The following PISD variants were observed in gnomAD, a reference collection of about 807,000 sequenced individuals.
The protein encoded by PISD is phosphatidylserine decarboxylase proenzyme, mitochondrial.
PISD carries 31 observed loss-of-function variants against 43.5 expected under a neutral mutation model. The ratio of observed to expected loss-of-function variants is 0.71; its 90% CI spans 0.54 to 0.96. The LOEUF (loss-of-function observed/expected upper bound fraction) is 0.96. Ranked by LOEUF, PISD falls within the 40% of genes least tolerant of loss-of-function variation. The pLI is 0.00. For synonymous variants in PISD, 259 were observed against 228.7 expected, an observed-to-expected ratio of 1.13 and a Z score of -1.20; for missense variants, 523 against 548.4, an observed-to-expected ratio of 0.95 and a Z score of 0.46.
chr22:31,657,280 C>A (rs1414173432), intron 1 of PISD, among the ~76,000 whole-genome samples: 1 of 151,498 alleles, frequency 6.6e-6, no homozygotes, highest in Non-Finnish European at 1.5e-5. Flanking sequence ...GGATTACAGG[C>A]ACCCACCACC....
Position 31,619,718 on chromosome 22 carries a change from T to G in PISD, c.1124A>C (p.Asn375Thr). Residue 375 changes from asparagine (N) to threonine (T), a missense_variant, in exon 8 of 8, where the codon AAC becomes ACC. Asn to Thr is a moderately conservative substitution (Grantham distance 65). Transcript: ENST00000439502. ...MRKGEHLGEF[N>T]LGSTIVLIFE... ...GATGAGCACGATGGTGGAGCCCAGG[T>G]TGAACTCGCCCAGGTGCTCGCCCTT... 6.2e-7 allele frequency: 1 copy of G among 1,614,218 alleles called. No individual in the cohort carries two copies. The highest frequency in any genetic ancestry group is 8.5e-7 in the Non-Finnish European group (1 of 1,180,020).
chr22:31,621,498 CCAGGGAGAG>C (rs1473795564), intron 4 of PISD, 26 bp from the exon 5 acceptor site: 44 of 1,613,466 alleles, frequency 2.7e-5, no homozygotes, highest in Non-Finnish European at 3.6e-5. Flanking sequence ...AGGCTTGCTG[CCAGGGAGAG>C]CAGGGTCTCC....
At position 31,662,148 on chromosome 22, in the gene PISD, T is replaced by C. The variant is rs1462018070; in HGVS notation, c.61A>G (p.Ser21Gly). 3 of 1,607,452 alleles carry C rather than the reference T, an allele frequency of 1.9e-6. No individual in the cohort carries two copies. In the African/African-American group the frequency reaches 4.0e-5, roughly 21 times the overall value. Residue 21 changes from serine to glycine, a missense_variant, in exon 1 of 8, where the codon AGC becomes GGC. Coordinates refer to ENST00000439502, the MANE Select transcript of PISD (RefSeq NM_001326411.2). ...GLLHGVAPWR[S>G]SLHPCEITAL... ...AGTCTCTCCGCGCTGCTATACCTGC[T>C]CCGCCACGGCGCGACCCCGTGCAGT...
In PISD at chr22:31,625,743, C is replaced by T. The variant is rs7364312; in HGVS notation, c.322-3858G>A. ...GTGGCGGGGAACCGTGGGGTTAGGG[C>T]GCGGTGGGCAGCATCTCACCATTTC... On this transcript the variant is annotated intron_variant, in intron 3 of 7. Coordinates refer to ENST00000439502, the MANE Select transcript of PISD (RefSeq NM_001326411.2). 1.1e-3 allele frequency: 1,752 copies of T among 1,569,560 alleles called. 39 individuals carry two copies. In the East Asian group the frequency reaches 0.031, roughly 28 times the overall value.
At chr22:31,620,499 G>A in intron 7 of PISD, 54 bp downstream of exon 7, 2 of 1,572,326 alleles carry the variant, frequency 1.3e-6, no homozygotes, top group Admixed American at 3.4e-5. Context: ...GACAAGGCAG[G>A]TAGACCCAAG....
At chr22:31,650,967 C>A (rs41302569) in intron 1 of PISD, among the ~76,000 whole-genome samples, 189 bp from the exon 2 acceptor site, 6,730 of 152,026 alleles carry the variant, frequency 0.044, 132 homozygotes, top group Non-Finnish European at 0.05. Flanking sequence ...TTTATTAATT[C>A]ATTCATTCAT....
At position 31,656,179 on chromosome 22, in the gene PISD, C is replaced by A. The variant is rs181934144; in HGVS notation, c.66-5401G>T. ...CCAATATGGTGAAACCCCGTCTCTA[C>A]TAAAAATACAAAAAATTAGACGGGT... On this transcript the variant is annotated intron_variant, in intron 1 of 7. Transcript: ENST00000439502. Among the ~76,000 whole-genome samples the A allele has an allele frequency of 2.0e-5, 3 of 152,092 alleles. No homozygotes were observed. The East Asian group carries it at 5.8e-4, about 30-fold the overall frequency.
chr22:31,652,383 G>C lies in PISD; in HGVS notation c.66-1605C>G, dbSNP rs191373271. On this transcript the variant is annotated intron_variant, in intron 1 of 7. Transcript: ENST00000439502. ...TGACCTCAAGTGATCCACCTGCCTCGGCCCGCCAAAGTGCTGGGATTACAG... is the reference window on the plus strand; with the variant it reads ...TGACCTCAAGTGATCCACCTGCCTCCGCCCGCCAAAGTGCTGGGATTACAG... Among the ~76,000 whole-genome samples the C allele has an allele frequency of 7.4e-4, 113 of 151,776 alleles. 2 individuals are homozygous for C. The Middle Eastern group carries it at 0.024, about 32-fold the overall frequency.
chr22:31,619,738 G>GC lies in PISD; in HGVS notation c.1103dup (p.Glu369ArgfsTer47), dbSNP rs1220328595. 1.2e-6 allele frequency: 2 copies of GC among 1,614,022 alleles called. No homozygotes were observed. The highest frequency in any genetic ancestry group is 1.7e-6 in the Non-Finnish European group (2 of 1,179,962). ...CCAGGTTGAACTCGCCCAGGTGCTC[G>GC]CCCTTACGCATGGGGACGCCCTCTC... On this transcript the variant is annotated frameshift_variant, in exon 8 of 8. Coordinates refer to ENST00000439502, the MANE Select transcript of PISD (RefSeq NM_001326411.2). LOFTEE classifies it high-confidence loss of function.
In PISD at chr22:31,630,632, C is replaced by T; in HGVS notation, c.322-8747G>A. 1.4e-6 allele frequency: 1 copy of T among 731,128 alleles called. No homozygotes were observed. Among genetic ancestry groups the T allele is most frequent in the Non-Finnish European group, 1.7e-6 (1 of 597,404 alleles). The allele number at this position is 731,128 out of a possible 1,614,324, so 45.3% of individuals were successfully genotyped here. A position where few individuals can be genotyped will look rare whatever the true frequency, so the allele number is the denominator to read the frequency against. On this transcript the variant is annotated intron_variant, in intron 3 of 7. Coordinates refer to ENST00000439502, the MANE Select transcript of PISD (RefSeq NM_001326411.2). This position sits in a 1 kb window ranked among gnomAD's most constrained non-coding sequence, Gnocchi z 4.4. ...GACTCGCTCAACCTTGTCCGCGGGG[C>T]TCCTCAGGCCGGGGCCGCGTCGTCA...
chr22:31,641,925 G>C (rs1410610226), intron 3 of PISD, among the ~76,000 whole-genome samples: 1 of 151,088 alleles, frequency 6.6e-6, no homozygotes, highest in Non-Finnish European at 1.5e-5. Flanking sequence ...TGGATAAGGG[G>C]GAAACACTCC....
At chr22:31,638,150 G>A (rs1307239539) in intron 3 of PISD, among the ~76,000 whole-genome samples, 1 of 152,198 alleles carries the variant, frequency 6.6e-6, no homozygotes, top group Admixed American at 6.5e-5. Flanking sequence ...TGGGGCTGCT[G>A]CCAGGTGGTG....
Position 31,625,992 on chromosome 22 carries a change from CAG to C in PISD, c.322-4109_322-4108del, listed in dbSNP as rs1021219243. The C allele has an allele frequency of 4.1e-6, 6 of 1,461,806 alleles. No homozygotes were observed. The African/African-American group carries it at 7.1e-5, about 17-fold the overall frequency. The allele number at this position is 1,461,806 out of a possible 1,614,324, so 90.6% of individuals were successfully genotyped here. A position where few individuals can be genotyped will look rare whatever the true frequency, so the allele number is the denominator to read the frequency against. Reference sequence around the variant, plus strand: ...GGTTTGGTTCAGTCTCGGTGGCTCACAGGGTGCAGAATAGAGGGTCAGGGCTA... The same window carrying C: ...GGTTTGGTTCAGTCTCGGTGGCTCACGGTGCAGAATAGAGGGTCAGGGCTA... On this transcript the variant is annotated intron_variant, in intron 3 of 7. Coordinates refer to ENST00000439502, the MANE Select transcript of PISD (RefSeq NM_001326411.2).
chr22:31,661,548 G>C (rs982855364), intron 1 of PISD, among the ~76,000 whole-genome samples: 8 of 152,106 alleles, frequency 5.3e-5, no homozygotes, highest in African/African-American at 1.9e-4. Context: ...GTGAACTTGA[G>C]CAAATCCCTC....
chr22:31,624,676 C>A (rs1421757707), intron 3 of PISD, among the ~76,000 whole-genome samples: 1 of 151,084 alleles, frequency 6.6e-6, no homozygotes, highest in African/African-American at 2.4e-5. Flanking sequence ...CACACACACA[C>A]ACACCCATCC....
At chr22:31,634,451 C>T (rs1037237403) in intron 3 of PISD, among the ~76,000 whole-genome samples, 1 of 152,196 alleles carries the variant, frequency 6.6e-6, no homozygotes, top group Non-Finnish European at 1.5e-5. Flanking sequence ...CAAGATGTCC[C>T]GGATACCCCT....
rs534038476 is a variant in PISD at position 31,620,652 on chromosome 22, G to A, written c.906C>T (p.Asn302=). The A allele has an allele frequency of 3.5e-5, 57 of 1,614,202 alleles. No homozygotes were observed. Among genetic ancestry groups the A allele is most frequent in the African/African-American group, 9.3e-5 (7 of 75,060 alleles). ...AGTCCCCCGTCAGGACCACCCGCTC[G>A]TTATGGCAGAAGAGCTCTTTGATCC... ...ARWIKELFCH[N]ERVVLTGDWK... Residue 302 remains asparagine, a synonymous_variant, in exon 7 of 8, where the codon AAC becomes AAT. Coordinates refer to ENST00000439502, the MANE Select transcript of PISD (RefSeq NM_001326411.2).
intron 1 of PISD, among the ~76,000 whole-genome samples, chr22:31,659,355 T>C (rs1156479777): frequency 6.6e-6 from 1 of 152,186 alleles, no homozygotes; most frequent in Non-Finnish European, 1.5e-5. Flanking sequence ...TTTTAATTTC[T>C]TCATTTGCTC....
intron 3 of PISD, chr22:31,628,150 A>G (rs575716961): frequency 3.0e-6 from 3 of 985,634 alleles, no homozygotes; most frequent in Non-Finnish European, 3.6e-6. Context: ...ATCGCCAGGG[A>G]GGAAAATGAA....
Sources: gnomAD v4.1 joint callset for allele counts (sites outside exome capture counted in the v4.1 genomes callset) on GRCh38, gnomAD v4.1.1 for gene constraint, Gnocchi (gnomAD v3.1) non-coding constraint, MANE v1.5 for transcripts, NCBI Gene and HGNC (gene_info 2026-07-23, HGNC 2026-07-21) for gene names.